Variants in SCN8A observed in about 807,000 individuals in gnomAD.
SCN8A encodes sodium channel protein type 8 subunit alpha.
SCN8A carries 30 observed loss-of-function variants against 184.1 expected under a neutral mutation model. The observed-to-expected ratio is 0.16, with a 90% confidence interval of 0.12 to 0.22. The LOEUF (loss-of-function observed/expected upper bound fraction) is 0.22. Ranked by LOEUF, SCN8A falls within the 10% of genes least tolerant of loss-of-function variation. SCN8A has a pLI of 1.00. For missense variants in SCN8A, 1,057 were observed against 2,498.9 expected (o/e 0.42, Z 12.30); for synonymous variants, 852 against 907.0 (o/e 0.94, Z 1.09).
intron 14 of SCN8A, among the ~76,000 whole-genome samples, chr12:51,762,011 A>G (rs191817381): frequency 6.6e-6 from 1 of 152,178 alleles, no homozygotes; most frequent in East Asian, 1.9e-4. Context: ...ATTATTTCCT[A>G]TATTTTGCAC....
At chr12:51,632,784 C>T (rs1940224971) in intron 1 of SCN8A, among the ~76,000 whole-genome samples, 1 of 152,020 alleles carries the variant, frequency 6.6e-6, no homozygotes, top group African/African-American at 2.4e-5. Flanking sequence ...TCATGTCAAC[C>T]CCTCTTCCCA....
intron 21 of SCN8A, among the ~76,000 whole-genome samples, chr12:51,783,866 A>G (rs1937999214): frequency 2.0e-5 from 3 of 152,370 alleles, no homozygotes; most frequent in South Asian, 4.1e-4. Flanking sequence ...TTTCTCATCA[A>G]TTAAATGGGA....
chr12:51,692,970 C>T (rs1941536284), intron 6 of SCN8A, among the ~76,000 whole-genome samples: 1 of 152,202 alleles, frequency 6.6e-6, no homozygotes, highest in Non-Finnish European at 1.5e-5. Flanking sequence ...AATTTCATTC[C>T]ACCTTCTTTA....
At position 51,774,174 on chromosome 12, in the gene SCN8A, C is replaced by T. The variant is rs1942972612; in HGVS notation, c.3646-15C>T. 1 of 1,612,438 alleles carries T rather than the reference C, an allele frequency of 6.2e-7. No individual in the cohort carries two copies. Among genetic ancestry groups the T allele is most frequent in the African/African-American group, 1.3e-5 (1 of 74,924 alleles). On this transcript the variant is annotated splice_polypyrimidine_tract_variant and intron_variant, in intron 19 of 26. Coordinates refer to ENST00000627620, the MANE Select transcript of SCN8A (RefSeq NM_001330260.2). ...CTTTAGGCACTGTCATAGGCAGCTG[C>T]TGCCTCTCTTTTAGGCCTTCGAGGA...
chr12:51,761,515 G>T (rs1386926201), intron 14 of SCN8A, among the ~76,000 whole-genome samples: 1 of 150,044 alleles, frequency 6.7e-6, no homozygotes, highest in South Asian at 2.1e-4. Flanking sequence ...TTGCTGTGTC[G>T]CCTGTGCTGG....
Position 51,786,406 on chromosome 12 carries a change from A to G in SCN8A, c.3943-136A>G, listed in dbSNP as rs1044518141. On this transcript the variant is annotated intron_variant, in intron 21 of 26. Transcript: ENST00000627620. ...TTTGGTCCTACTTGTCAGTCTGTCC[A>G]GTTACTCTAATTCCAAAGGGAATGT... The G allele has an allele frequency of 1.2e-5, 12 of 987,486 alleles. No homozygotes were observed. The Admixed American group carries it at 3.1e-4, about 26-fold the overall frequency. The allele number at this position is 987,486 out of a possible 1,614,324, so 61.2% of individuals were successfully genotyped here.
chr12:51,712,703 C>T (rs1941899663), intron 11 of SCN8A: 10 of 934,950 alleles, frequency 1.1e-5, no homozygotes, highest in Middle Eastern at 5.3e-4. Flanking sequence ...ATATCCACCA[C>T]ACCACCTTGG....
chr12:51,714,659 A>G (rs1941936449), intron 11 of SCN8A, among the ~76,000 whole-genome samples: 1 of 152,226 alleles, frequency 6.6e-6, no homozygotes, highest in Admixed American at 6.5e-5. Flanking sequence ...TATGGCATGG[A>G]AATAGAACAT....
chr12:51,709,633 T>C (rs984740928), intron 11 of SCN8A, among the ~76,000 whole-genome samples: 1 of 152,110 alleles, frequency 6.6e-6, no homozygotes, highest in African/African-American at 2.4e-5. Context: ...GGATGCCATG[T>C]TGAGTGGGGA....
chr12:51,720,028 A>G (rs1346142831), intron 11 of SCN8A, among the ~76,000 whole-genome samples: 1 of 143,954 alleles, frequency 6.9e-6, no homozygotes, highest in African/African-American at 2.6e-5. Context: ...GTGAGCCGAG[A>G]TCGCGCCACT....
intron 12 of SCN8A, among the ~76,000 whole-genome samples, chr12:51,734,196 C>T (rs1942286829): frequency 6.6e-6 from 1 of 152,098 alleles, no homozygotes; most frequent in African/African-American, 2.4e-5. Flanking sequence ...GATGTCAGTG[C>T]TGCTGAGACC....
At chr12:51,684,397 G>A (rs1312314884) in intron 3 of SCN8A, 105 bp downstream of exon 3, 2 of 708,290 alleles carry the variant, frequency 2.8e-6, no homozygotes, top group Admixed American at 2.0e-5. Flanking sequence ...TTTACTGATA[G>A]TGTAGTTAAC....
chr12:51,599,040 C>T (rs1302030308), intron 1 of SCN8A, among the ~76,000 whole-genome samples: 1 of 152,106 alleles, frequency 6.6e-6, no homozygotes, highest in African/African-American at 2.4e-5. Flanking sequence ...TAGGGTTTTC[C>T]TTATAGAATT....
At chr12:51,734,289 G>A (rs1942288919) in intron 12 of SCN8A, among the ~76,000 whole-genome samples, 1 of 152,178 alleles carries the variant, frequency 6.6e-6, no homozygotes, top group Admixed American at 6.5e-5. Context: ...TGTGAAGTGG[G>A]AAATCAGGGG....
intron 11 of SCN8A, among the ~76,000 whole-genome samples, chr12:51,721,129 T>TAA (rs1687500633): frequency 7.3e-6 from 1 of 137,770 alleles, no homozygotes; most frequent in Non-Finnish European, 1.6e-5. Context: ...TTGTTATATA[T>TAA]ATAATATTTA....
chr12:51,747,026 G>C (rs1195260636), intron 13 of SCN8A, among the ~76,000 whole-genome samples: 1 of 151,610 alleles, frequency 6.6e-6, no homozygotes, highest in African/African-American at 2.4e-5. Context: ...AATGGTCCCA[G>C]TATCCTTGAG....
At chr12:51,712,970 G>A (rs767709913) in intron 11 of SCN8A, 230 of 1,588,210 alleles carry the variant, frequency 1.4e-4, no homozygotes, top group Non-Finnish European at 1.9e-4. Context: ...CGACCTGTCC[G>A]TGATCCAGCG....
chr12:51,801,092 A>G (rs1001250921), intron 26 of SCN8A, among the ~76,000 whole-genome samples: 1 of 152,194 alleles, frequency 6.6e-6, no homozygotes, highest in African/African-American at 2.4e-5. Context: ...TAGGCTTCCT[A>G]TCAATTTCAC....
At chr12:51,615,538 G>A (rs954089193) in intron 1 of SCN8A, among the ~76,000 whole-genome samples, 11 of 151,880 alleles carry the variant, frequency 7.2e-5, no homozygotes, top group Admixed American at 1.3e-4. Flanking sequence ...CGGCAGCAGG[G>A]TAAAACCCTG....
Sources: gnomAD v4.1 joint callset for allele counts (sites outside exome capture counted in the v4.1 genomes callset) on GRCh38, gnomAD v4.1.1 for gene constraint, MANE v1.5 for transcripts, NCBI Gene and HGNC (gene_info 2026-07-23, HGNC 2026-07-21) for gene names.